Variants in VRK1 observed in about 807,000 individuals in gnomAD.
The protein encoded by VRK1 is serine/threonine-protein kinase VRK1.
VRK1 carries 33 observed loss-of-function variants against 57.1 expected under a neutral mutation model. That is an observed-to-expected ratio of 0.58 (90% CI 0.44 to 0.77). VRK1 has a LOEUF of 0.77. Among genes scored for constraint, VRK1 ranks in the 30% least tolerant of loss-of-function variants. The pLI is 0.00. For synonymous variants in VRK1, 137 were observed against 147.8 expected (o/e 0.93, Z 0.53); for missense variants, 413 against 477.3 (o/e 0.87, Z 1.25).
rs1179560705 is a variant in VRK1, at chr14:96,845,997, G to A, written c.217-98G>A. 5 of 1,102,050 alleles carry A rather than the reference G, an allele frequency of 4.5e-6. No individual in the cohort carries two copies. In the East Asian group the frequency reaches 1.2e-4, roughly 26 times the overall value. 68.3% of individuals were successfully genotyped at this position (1,102,050 alleles called of 1,614,324 possible). ...AAACTTAAGTATCAAAATTACATTG[G>A]ACAGAAAAATAGATTTGTTGGTCTT... is the stretch of plus-strand genomic sequence containing the variant. On this transcript the variant is annotated intron_variant, in intron 3 of 12. Transcript: ENST00000216639.
chr14:96,865,370 T>C (rs1343486293), intron 11 of VRK1, among the ~76,000 whole-genome samples: 1 of 152,204 alleles, frequency 6.6e-6, no homozygotes, highest in African/African-American at 2.4e-5. Flanking sequence ...CTAGATACCC[T>C]ATTCTGTACC....
intron 10 of VRK1, among the ~76,000 whole-genome samples, chr14:96,857,303 G>A (rs552209463): frequency 6.6e-6 from 1 of 152,220 alleles, no homozygotes; most frequent in East Asian, 1.9e-4. Flanking sequence ...GAGGAGGACT[G>A]TAATTTTAAG....
chr14:96,879,263 AATTG>A (rs895971435), intron 12 of VRK1, among the ~76,000 whole-genome samples: 4 of 152,172 alleles, frequency 2.6e-5, no homozygotes, highest in Non-Finnish European at 5.9e-5. Context: ...TAACAATCAG[AATTG>A]ATTATTAGGG....
chr14:96,806,697 G>T, intron 1 of VRK1, among the ~76,000 whole-genome samples: 1 of 152,144 alleles, frequency 6.6e-6, no homozygotes. Flanking sequence ...CACAGTAAGT[G>T]TTCAATAAAT....
intron 1 of VRK1, among the ~76,000 whole-genome samples, chr14:96,802,336 C>CT (rs1885695377): frequency 6.6e-6 from 1 of 152,108 alleles, no homozygotes; most frequent in South Asian, 2.1e-4. Flanking sequence ...TTTATAATAG[C>CT]TAAAAACCAG....
intron 11 of VRK1, among the ~76,000 whole-genome samples, chr14:96,874,810 C>G (rs575301788): frequency 9.9e-5 from 15 of 152,104 alleles, no homozygotes; most frequent in Non-Finnish European, 2.1e-4. Flanking sequence ...TTCAGCTTTC[C>G]CATGTAGTTC....
chr14:96,826,092 A>G (rs1159203093), intron 1 of VRK1, among the ~76,000 whole-genome samples: 1 of 152,226 alleles, frequency 6.6e-6, no homozygotes, highest in Non-Finnish European at 1.5e-5. Flanking sequence ...GAAGAATGCC[A>G]GTTGTCTAAA....
intron 5 of VRK1, among the ~76,000 whole-genome samples, chr14:96,847,735 G>A (rs1414889922): frequency 1.3e-5 from 2 of 152,128 alleles, no homozygotes; most frequent in South Asian, 2.1e-4. Flanking sequence ...TGGTATTTCT[G>A]CCCACACAGA....
intron 1 of VRK1, among the ~76,000 whole-genome samples, chr14:96,823,227 A>G (rs916805828): frequency 4.6e-5 from 7 of 152,084 alleles, no homozygotes; most frequent in Non-Finnish European, 8.8e-5. Flanking sequence ...TGTTCTTTTT[A>G]TCTGTCTCTT....
chr14:96,829,052 C>G (rs574976503), intron 1 of VRK1, among the ~76,000 whole-genome samples: 3 of 152,088 alleles, frequency 2.0e-5, no homozygotes, highest in African/African-American at 7.2e-5. Flanking sequence ...AACGTTTATG[C>G]GCAAGACACA....
At chr14:96,860,073 C>G (rs897020738) in intron 10 of VRK1, among the ~76,000 whole-genome samples, 21 of 152,018 alleles carry the variant, frequency 1.4e-4, no homozygotes, top group African/African-American at 4.8e-4. Context: ...TATAGGAAAG[C>G]CAGATCTTAT....
chr14:96,849,797 G>T (rs1887877849), intron 5 of VRK1, among the ~76,000 whole-genome samples: 1 of 152,134 alleles, frequency 6.6e-6, no homozygotes, highest in Non-Finnish European at 1.5e-5. Flanking sequence ...TTTAAAAGTA[G>T]CCCACACTGT....
chr14:96,866,363 C>T (rs1456704177), intron 11 of VRK1, among the ~76,000 whole-genome samples: 1 of 152,132 alleles, frequency 6.6e-6, no homozygotes, highest in African/African-American at 2.4e-5. Flanking sequence ...TCTGCCTACC[C>T]AGAAGAAGCA....
chr14:96,829,449 A>G (rs1011574742), intron 1 of VRK1, among the ~76,000 whole-genome samples: 2 of 152,170 alleles, frequency 1.3e-5, no homozygotes, highest in Non-Finnish European at 2.9e-5. Context: ...GGGCTAGGAA[A>G]TACAAAGATG....
chr14:96,851,801 AC>A (rs2139792952), intron 5 of VRK1, among the ~76,000 whole-genome samples: 1 of 152,352 alleles, frequency 6.6e-6, no homozygotes, highest in African/African-American at 2.4e-5. Flanking sequence ...GATAGGAGTT[AC>A]CTACTTTATA....
chr14:96,831,204 C>T (rs1886991262), intron 1 of VRK1, among the ~76,000 whole-genome samples: 1 of 152,222 alleles, frequency 6.6e-6, no homozygotes, highest in Non-Finnish European at 1.5e-5. Flanking sequence ...CCACACAGAT[C>T]TTACTGCTGT....
At chr14:96,820,105 C>G (rs985608922) in intron 1 of VRK1, among the ~76,000 whole-genome samples, 1 of 151,732 alleles carries the variant, frequency 6.6e-6, no homozygotes, top group Non-Finnish European at 1.5e-5. Context: ...AGCTTCTTCT[C>G]AGTCCAACCA....
intron 1 of VRK1, among the ~76,000 whole-genome samples, chr14:96,807,841 T>C (rs1566683317): frequency 6.6e-6 from 1 of 152,210 alleles, no homozygotes; most frequent in Admixed American, 6.5e-5. Context: ...CTTGGTTTAA[T>C]TGGCAGTTTC....
chr14:96,845,283 A>G (rs891807846), intron 3 of VRK1, among the ~76,000 whole-genome samples: 11 of 152,196 alleles, frequency 7.2e-5, no homozygotes, highest in African/African-American at 2.7e-4. Flanking sequence ...TTTTAATCAG[A>G]TGAAATTTAC....
Sources: gnomAD v4.1 joint callset for allele counts (sites outside exome capture counted in the v4.1 genomes callset) on GRCh38, gnomAD v4.1.1 for gene constraint, MANE v1.5 for transcripts, NCBI Gene and HGNC (gene_info 2026-07-23, HGNC 2026-07-21) for gene names.